Variants in CCBE1 observed in about 807,000 individuals in gnomAD.
CCBE1 encodes collagen and calcium binding EGF domains 1.
In CCBE1, 37 loss-of-function variants were observed where a neutral mutation model predicts 50.0. The observed-to-expected ratio is 0.74, with a 90% CI of 0.57 to 0.97. CCBE1 has a LOEUF of 0.97. CCBE1 is among the 50% of genes least tolerant of loss of function. The pLI, the probability that CCBE1 is intolerant of heterozygous loss-of-function variation, is 0.00. For missense variants in CCBE1, 538 were observed against 523.8 expected (o/e 1.03, Z -0.26); for synonymous variants, 234 against 203.7 (o/e 1.15, Z -1.27).
chr18:59,505,716 G>C (rs1052064753), intron 2 of CCBE1, among the ~76,000 whole-genome samples: 1 of 152,198 alleles, frequency 6.6e-6, no homozygotes, highest in African/African-American at 2.4e-5. Flanking sequence ...TTAGGCTAAA[G>C]AGCTTCTACA....
intron 2 of CCBE1, among the ~76,000 whole-genome samples, chr18:59,671,892 C>T (rs1260105476): frequency 6.6e-6 from 1 of 151,686 alleles, no homozygotes; most frequent in Non-Finnish European, 1.5e-5. Context: ...GCTCTAGTGG[C>T]AATAACAAGA....
At chr18:59,510,611 G>A (rs956595132) in intron 2 of CCBE1, among the ~76,000 whole-genome samples, 11 of 151,866 alleles carry the variant, frequency 7.2e-5, no homozygotes, top group African/African-American at 2.4e-4. Flanking sequence ...TAGTAGAGAC[G>A]GGGTTTCACC....
rs1289408590 is a variant in CCBE1, at chr18:59,433,352, C to CT, written c.*2555dup. Reference sequence around the variant, plus strand: ...TGGGCTCAAGGGATCCTCTCGCTCACTTTTTTTAAAGTGAAAGTTTGCTTT... The same window carrying CT: ...TGGGCTCAAGGGATCCTCTCGCTCACTTTTTTTTAAAGTGAAAGTTTGCTTT... On this transcript the variant is annotated 3_prime_UTR_variant, in exon 11 of 11. Transcript: ENST00000439986. 4 of 151,672 alleles carry CT rather than the reference C, an allele frequency of 2.6e-5. No homozygotes were observed. Among genetic ancestry groups the CT allele is most frequent in the Middle Eastern group, 3.4e-3 (1 of 294 alleles). The allele number at this position is 151,672 out of a possible 1,614,324, so 9.4% of individuals were successfully genotyped here.
intron 2 of CCBE1, among the ~76,000 whole-genome samples, chr18:59,626,736 C>G (rs912228379): frequency 3.3e-5 from 5 of 152,262 alleles, no homozygotes; most frequent in Non-Finnish European, 4.4e-5. Context: ...CCATTCTCAT[C>G]TACTATGCTA....
At chr18:59,667,041 A>G in intron 2 of CCBE1, among the ~76,000 whole-genome samples, 1 of 152,128 alleles carries the variant, frequency 6.6e-6, no homozygotes, top group Non-Finnish European at 1.5e-5. Context: ...TGGGAGCCCA[A>G]GGTGGGAGGA....
chr18:59,468,191 C>A (rs539501759), intron 4 of CCBE1, among the ~76,000 whole-genome samples: 1 of 152,184 alleles, frequency 6.6e-6, no homozygotes, highest in African/African-American at 2.4e-5. Context: ...CCAGGCCAGA[C>A]TGAGCAACAT....
Position 59,565,453 on chromosome 18 carries a change from C to A in CCBE1, c.213-85215G>T, listed in dbSNP as rs2052808756. On this transcript the variant is annotated intron_variant, in intron 2 of 10. Transcript: ENST00000439986. The stretch of plus-strand genomic sequence containing the variant: ...AAGGGCTGTCACTCAGGCTGGGTAA[C>A]CAGGGGCGAGGGGCAGGCTGGGCCA... 3.3e-5 allele frequency among the ~76,000 whole-genome samples: 5 copies of A among 149,624 alleles called. No homozygotes were observed. In the South Asian group the frequency reaches 1.0e-3, roughly 31 times the overall value.
intron 2 of CCBE1, among the ~76,000 whole-genome samples, chr18:59,516,345 A>G (rs1370424118): frequency 1.3e-5 from 2 of 151,844 alleles, no homozygotes; most frequent in African/African-American, 4.8e-5. Context: ...CTTCAAAAAG[A>G]CCTCTACTTT....
intron 2 of CCBE1, among the ~76,000 whole-genome samples, chr18:59,532,593 A>T (rs1160444406): frequency 6.6e-6 from 1 of 152,164 alleles, no homozygotes; most frequent in East Asian, 1.9e-4. Context: ...CCATTTTCTC[A>T]TATGTTGTCC....
At position 59,596,179 on chromosome 18, in the gene CCBE1, CT is replaced by C. The variant is rs1330270639; in HGVS notation, c.212+100449del. ...CATCCCTATAAAGGAAGCAGAGTCT[CT>C]TTTTCAAAAGTGTAGCTCAAACCAT... On this transcript the variant is annotated intron_variant, in intron 2 of 10. Transcript: ENST00000439986. Among the ~76,000 whole-genome samples, 17 of 152,258 alleles carry C rather than the reference CT, an allele frequency of 1.1e-4. No individual in the cohort carries two copies. In the East Asian group the frequency reaches 3.1e-3, roughly 28 times the overall value.
At chr18:59,529,534 G>A (rs1030925661) in intron 2 of CCBE1, among the ~76,000 whole-genome samples, 1 of 152,220 alleles carries the variant, frequency 6.6e-6, no homozygotes, top group African/African-American at 2.4e-5. Context: ...ACAGATCTGT[G>A]GAAAAAGCAT....
chr18:59,521,358 A>G (rs1914590718), intron 2 of CCBE1, among the ~76,000 whole-genome samples: 1 of 152,256 alleles, frequency 6.6e-6, no homozygotes, highest in Non-Finnish European at 1.5e-5. Context: ...TGGTGACAAT[A>G]AAGAAATGTA....
intron 2 of CCBE1, among the ~76,000 whole-genome samples, chr18:59,615,501 G>GA (rs11451658): frequency 0.18 from 26,145 of 147,712 alleles, 3,444 homozygotes; most frequent in African/African-American, 0.38. Context: ...AACTGTCGGA[G>GA]AAAAAAAAAA....
intron 2 of CCBE1, among the ~76,000 whole-genome samples, chr18:59,519,375 G>A (rs1177849877): frequency 1.3e-5 from 2 of 152,174 alleles, no homozygotes; most frequent in African/African-American, 2.4e-5. Flanking sequence ...CTATGAGGTT[G>A]CACACTAATA....
At chr18:59,678,266 G>A (rs138663547) in intron 2 of CCBE1, among the ~76,000 whole-genome samples, 1 of 152,306 alleles carries the variant, frequency 6.6e-6, no homozygotes, top group Non-Finnish European at 1.5e-5. Flanking sequence ...GAAAGCAGTT[G>A]CTGTGGTGAG....
At chr18:59,570,709 C>CA (rs1260981192) in intron 2 of CCBE1, among the ~76,000 whole-genome samples, 2 of 152,140 alleles carry the variant, frequency 1.3e-5, no homozygotes, top group African/African-American at 4.8e-5. Flanking sequence ...CCAAGGGCCT[C>CA]AGGCAGCTCA....
At chr18:59,515,819 C>T (rs113427974) in intron 2 of CCBE1, among the ~76,000 whole-genome samples, 2,803 of 152,152 alleles carry the variant, frequency 0.018, 67 homozygotes, top group African/African-American at 0.061. Context: ...TTAATCTCCC[C>T]GAACCTCAGT....
intron 2 of CCBE1, among the ~76,000 whole-genome samples, chr18:59,682,467 A>C (rs184012917): frequency 3.3e-5 from 5 of 152,356 alleles, no homozygotes; most frequent in Non-Finnish European, 1.5e-5. Context: ...TTTCAAGTAT[A>C]TCAAGATTAA....
rs183307281 is a variant in CCBE1, at chr18:59,546,143, G to C, written c.213-65905C>G. Among the ~76,000 whole-genome samples, 14 of 152,250 alleles carry C rather than the reference G, an allele frequency of 9.2e-5. No individual in the cohort carries two copies. The East Asian group carries it at 2.5e-3, about 27-fold the overall frequency. Reference sequence around the variant, plus strand: ...ACATTCTTCTATAAGCTTAACACTAGATATGAACTATATGCTGAATATTTG... The same window carrying C: ...ACATTCTTCTATAAGCTTAACACTACATATGAACTATATGCTGAATATTTG... On this transcript the variant is annotated intron_variant, in intron 2 of 10. Coordinates refer to ENST00000439986, the MANE Select transcript of CCBE1 (RefSeq NM_133459.4).
Sources: gnomAD v4.1 joint callset for allele counts (sites outside exome capture counted in the v4.1 genomes callset) on GRCh38, gnomAD v4.1.1 for gene constraint, MANE v1.5 for transcripts, NCBI Gene and HGNC (gene_info 2026-07-23, HGNC 2026-07-21) for gene names.